Variants in ADGB observed in about 807,000 individuals in gnomAD.
The protein encoded by ADGB is androglobin.
ADGB carries 172 observed loss-of-function variants against 210.5 expected under a neutral mutation model. That is an observed-to-expected ratio of 0.82 (90% CI 0.72 to 0.93). The LOEUF is 0.93. Ranked by LOEUF, ADGB falls within the 40% of genes least tolerant of loss-of-function variation. ADGB has a pLI of 0.00. For synonymous variants in ADGB, 658 were observed against 662.7 expected (o/e 0.99, Z 0.11); for missense variants, 2,025 against 1,964.8 (o/e 1.03, Z -0.58).
chr6:146,650,800 C>T (rs191192570), intron 3 of ADGB, among the ~76,000 whole-genome samples: 150 of 152,134 alleles, frequency 9.9e-4, no homozygotes, highest in Middle Eastern at 3.4e-3. Context: ...CAAACGCCAA[C>T]GGATCTGACG....
intron 9 of ADGB, among the ~76,000 whole-genome samples, chr6:146,680,196 A>C (rs78229286): frequency 3.1e-4 from 47 of 152,218 alleles, no homozygotes; most frequent in African/African-American, 1.1e-3. Context: ...TGTGAAGCAA[A>C]GCGATACATA....
intron 20 of ADGB, among the ~76,000 whole-genome samples, chr6:146,731,869 G>T (rs1776992895): frequency 6.6e-6 from 1 of 152,148 alleles, no homozygotes; most frequent in South Asian, 2.1e-4. Flanking sequence ...TATTGTGGGG[G>T]AATCGGGCAC....
At chr6:146,691,886 C>T (rs1194808969) in intron 11 of ADGB, among the ~76,000 whole-genome samples, 3 of 151,586 alleles carry the variant, frequency 2.0e-5, no homozygotes, top group African/African-American at 7.3e-5. Context: ...TCCTTCCTTC[C>T]TTCTTCCTCC....
At chr6:146,756,237 C>T (rs568772602) in intron 27 of ADGB, among the ~76,000 whole-genome samples, 1 of 152,250 alleles carries the variant, frequency 6.6e-6, no homozygotes, top group African/African-American at 2.4e-5. Flanking sequence ...ATTATTTACA[C>T]TAACTTGACT....
chr6:146,746,855 A>G (rs1777246878), intron 26 of ADGB, among the ~76,000 whole-genome samples: 1 of 152,144 alleles, frequency 6.6e-6, no homozygotes, highest in Non-Finnish European at 1.5e-5. Flanking sequence ...CCACCTCCTG[A>G]TATATATGCC....
chr6:146,807,044 A>T (rs1464356136), intron 35 of ADGB, among the ~76,000 whole-genome samples: 4 of 152,216 alleles, frequency 2.6e-5, no homozygotes, highest in Non-Finnish European at 5.9e-5. Flanking sequence ...CATGTGGGGA[A>T]CTAGTAATTT....
chr6:146,758,597 G>A (rs944690431), intron 27 of ADGB, among the ~76,000 whole-genome samples: 1 of 151,942 alleles, frequency 6.6e-6, no homozygotes, highest in African/African-American at 2.4e-5. Flanking sequence ...AAGAGTAACT[G>A]GGTCAGAGAT....
At chr6:146,661,378 G>A (rs1432372877) in intron 5 of ADGB, among the ~76,000 whole-genome samples, 2 of 151,184 alleles carry the variant, frequency 1.3e-5, no homozygotes, top group Non-Finnish European at 3.0e-5. Flanking sequence ...CCATCATCAC[G>A]CCTGACTAAT....
At chr6:146,740,945 C>T (rs541315399) in intron 24 of ADGB, among the ~76,000 whole-genome samples, 173 bp from the exon 25 acceptor site, 305 of 152,026 alleles carry the variant, frequency 2.0e-3, no homozygotes, top group African/African-American at 6.7e-3. Flanking sequence ...ATAGAGTTTG[C>T]GTTTACTTGA....
At chr6:146,808,852 C>T (rs925755088) in intron 35 of ADGB, among the ~76,000 whole-genome samples, 2 of 94,830 alleles carry the variant, frequency 2.1e-5, no homozygotes, top group Non-Finnish European at 3.9e-5. Flanking sequence ...GTGATCATAC[C>T]CAACACCAGG....
At chr6:146,718,391 T>C (rs73573699) in intron 16 of ADGB, among the ~76,000 whole-genome samples, 11,677 of 146,668 alleles carry the variant, frequency 0.08, 1,546 homozygotes, top group African/African-American at 0.27. Flanking sequence ...GTCCTCTGTA[T>C]GCTCTATGTT....
intron 27 of ADGB, among the ~76,000 whole-genome samples, chr6:146,760,234 A>G (rs1228782015): frequency 6.6e-6 from 1 of 151,856 alleles, no homozygotes; most frequent in East Asian, 1.9e-4. Flanking sequence ...TGTTACCCAG[A>G]AGATACTTCA....
At chr6:146,688,144 G>C (rs1362793721) in intron 10 of ADGB, among the ~76,000 whole-genome samples, 2 of 152,016 alleles carry the variant, frequency 1.3e-5, no homozygotes, top group East Asian at 3.9e-4. Flanking sequence ...ACAAAGCTTA[G>C]AGTCTAATGA....
At chr6:146,693,081 G>T (rs1434687245) in intron 12 of ADGB, among the ~76,000 whole-genome samples, 166 bp downstream of exon 12, 1 of 152,144 alleles carries the variant, frequency 6.6e-6, no homozygotes, top group East Asian at 1.9e-4. Context: ...ACCTTTTATA[G>T]CTTGTAGTTA....
At chr6:146,651,555 A>G (rs1338201022) in intron 3 of ADGB, among the ~76,000 whole-genome samples, 1 of 152,204 alleles carries the variant, frequency 6.6e-6, no homozygotes, top group East Asian at 1.9e-4. Context: ...GCGGTCCAGG[A>G]GGATGCAGGT....
At chr6:146,660,907 T>A (rs1289107847) in intron 5 of ADGB, among the ~76,000 whole-genome samples, 1 of 152,186 alleles carries the variant, frequency 6.6e-6, no homozygotes, top group Non-Finnish European at 1.5e-5. Context: ...TCTTTGTTTG[T>A]TCTTTGTTAC....
chr6:146,715,865 C>T (rs191484470), intron 14 of ADGB, among the ~76,000 whole-genome samples: 3 of 151,752 alleles, frequency 2.0e-5, no homozygotes, highest in East Asian at 1.9e-4. Flanking sequence ...GTCAGTAGAT[C>T]GAGACCATCC....
At chr6:146,682,118 A>C (rs1776165634) in intron 9 of ADGB, among the ~76,000 whole-genome samples, 2 of 152,148 alleles carry the variant, frequency 1.3e-5, no homozygotes, top group Admixed American at 6.6e-5. Flanking sequence ...AATCTTTAAC[A>C]AATACTTCTT....
chr6:146,708,150 A>C (rs1776603318), intron 13 of ADGB, among the ~76,000 whole-genome samples: 1 of 151,964 alleles, frequency 6.6e-6, no homozygotes, highest in Non-Finnish European at 1.5e-5. Context: ...ACAATCTCTT[A>C]TATTGTATAT....
Sources: gnomAD v4.1 joint callset for allele counts (sites outside exome capture counted in the v4.1 genomes callset) on GRCh38, gnomAD v4.1.1 for gene constraint, MANE v1.5 for transcripts, NCBI Gene and HGNC (gene_info 2026-07-23, HGNC 2026-07-21) for gene names.